The following FOXN3 variants were observed in gnomAD, a reference collection of about 807,000 sequenced individuals.
FOXN3 encodes the protein forkhead box protein N3.
FOXN3 carries 7 observed loss-of-function variants against 38.4 expected under a neutral mutation model. The ratio of observed to expected loss-of-function variants is 0.18; its 90% confidence interval spans 0.10 to 0.34. FOXN3 has a LOEUF of 0.34. Ranked by LOEUF, FOXN3 falls within the 10% of genes least tolerant of loss-of-function variation. FOXN3 has a pLI of 1.00. For missense variants in FOXN3, 456 were observed against 613.4 expected, an observed-to-expected ratio of 0.74 and a Z score of 2.71; for synonymous variants, 230 against 242.2, an observed-to-expected ratio of 0.95 and a Z score of 0.47.
At chr14:89,424,262 T>C (rs1404914647) in intron 1 of FOXN3, among the ~76,000 whole-genome samples, 1 of 152,216 alleles carries the variant, frequency 6.6e-6, no homozygotes. Flanking sequence ...TCTCAGAGAC[T>C]GTACGTGTGA....
At chr14:89,595,802 T>A (rs186718030) in intron 1 of FOXN3, among the ~76,000 whole-genome samples, 20 of 152,362 alleles carry the variant, frequency 1.3e-4, no homozygotes, top group Admixed American at 4.6e-4. Flanking sequence ...ATTTCACGCA[T>A]TAAGTATGTT....
rs1043239043 is a variant in FOXN3, at chr14:89,161,274, T to C, written c.*1140A>G. ...TGCAAACTCCATTTTGAGGGCAGTA[T>C]AGGAGTTATTTTATTTTTTGCCATG... On this transcript the variant is annotated 3_prime_UTR_variant, in exon 6 of 6. Transcript: ENST00000557258. 3 of 152,490 alleles carry C rather than the reference T, an allele frequency of 2.0e-5. No homozygotes were observed. The highest frequency in any genetic ancestry group is 7.2e-5 in the African/African-American group (3 of 41,440). The allele number at this position is 152,490 out of a possible 1,614,324, so 9.4% of individuals were successfully genotyped here.
intron 4 of FOXN3, among the ~76,000 whole-genome samples, chr14:89,271,077 C>T (rs920585709): frequency 6.6e-6 from 1 of 152,146 alleles, no homozygotes; most frequent in Non-Finnish European, 1.5e-5. Context: ...TCCCATGTCA[C>T]GTGCACCGCA....
At chr14:89,243,512 T>C (rs1885201030) in intron 4 of FOXN3, among the ~76,000 whole-genome samples, 2 of 152,260 alleles carry the variant, frequency 1.3e-5, no homozygotes, top group South Asian at 4.2e-4. Context: ...TGACAACCCG[T>C]GACCTCCACA....
chr14:89,438,784 A>T, intron 1 of FOXN3, among the ~76,000 whole-genome samples: 1 of 149,110 alleles, frequency 6.7e-6, no homozygotes. Flanking sequence ...TTTTTTTGAG[A>T]CGATGTTTCA....
intron 3 of FOXN3, among the ~76,000 whole-genome samples, chr14:89,303,434 C>T (rs914650916): frequency 6.0e-5 from 9 of 150,402 alleles, no homozygotes; most frequent in African/African-American, 1.2e-4. Flanking sequence ...AAGACACTGA[C>T]GATCTGATTC....
chr14:89,375,818 G>A (rs1471196738), intron 2 of FOXN3, among the ~76,000 whole-genome samples: 5 of 152,030 alleles, frequency 3.3e-5, no homozygotes, highest in Non-Finnish European at 7.4e-5. Flanking sequence ...TGCCCAGGCT[G>A]GGATGCAATG....
chr14:89,451,287 G>A (rs1289217613), intron 1 of FOXN3, among the ~76,000 whole-genome samples: 1 of 152,146 alleles, frequency 6.6e-6, no homozygotes, highest in Non-Finnish European at 1.5e-5. Flanking sequence ...AGCCTTGGGG[G>A]ACATCCAATG....
At chr14:89,610,834 C>A (rs1896374081) in intron 1 of FOXN3, among the ~76,000 whole-genome samples, 1 of 152,182 alleles carries the variant, frequency 6.6e-6, no homozygotes, top group South Asian at 2.1e-4. Context: ...ATTTGTTTCC[C>A]CCGATTTGTG....
chr14:89,270,570 C>A (rs1362608938), intron 4 of FOXN3, among the ~76,000 whole-genome samples: 1 of 152,174 alleles, frequency 6.6e-6, no homozygotes, highest in Non-Finnish European at 1.5e-5. Flanking sequence ...CGAGGTCACT[C>A]AGCTGGTGGG....
intron 2 of FOXN3, among the ~76,000 whole-genome samples, chr14:89,375,626 G>C (rs1316416689): frequency 6.6e-6 from 1 of 152,088 alleles, no homozygotes; most frequent in African/African-American, 2.4e-5. Flanking sequence ...ACCAAGCAAA[G>C]AGATATAAAT....
At chr14:89,214,589 CG>C (rs1360781154) in intron 4 of FOXN3, among the ~76,000 whole-genome samples, 1 of 152,226 alleles carries the variant, frequency 6.6e-6, no homozygotes, top group African/African-American at 2.4e-5. Context: ...CACTCAATTA[CG>C]GCCGTGAAAA....
chr14:89,435,442 A>G (rs1168776268), intron 1 of FOXN3, among the ~76,000 whole-genome samples: 1 of 151,272 alleles, frequency 6.6e-6, no homozygotes, highest in Non-Finnish European at 1.5e-5. Flanking sequence ...CAAGCTGTAT[A>G]CATGAGAGAC....
chr14:89,383,393 C>T (rs984079977), intron 2 of FOXN3, among the ~76,000 whole-genome samples: 6 of 152,158 alleles, frequency 3.9e-5, no homozygotes, highest in African/African-American at 1.4e-4. Flanking sequence ...TGTATTGCAC[C>T]AAATTAGGTT....
chr14:89,232,001 G>A lies in FOXN3; in HGVS notation c.745+48949C>T, dbSNP rs148605096. 5.4e-3 allele frequency among the ~76,000 whole-genome samples: 819 copies of A among 152,280 alleles called. 9 individuals carry two copies. Among genetic ancestry groups the A allele is most frequent in the African/African-American group, 0.019 (775 of 41,564 alleles). Reference sequence around the variant, plus strand: ...CAGGGACAGGTAAGCTCAGTGTTGCGGGAAGGCGTGGAGCTAAGCCCCAAG... The same window carrying A: ...CAGGGACAGGTAAGCTCAGTGTTGCAGGAAGGCGTGGAGCTAAGCCCCAAG... On this transcript the variant is annotated intron_variant, in intron 4 of 5. Transcript: ENST00000557258.
At chr14:89,343,627 G>GTTTTTTTTTTTTT (rs34453491) in intron 3 of FOXN3, among the ~76,000 whole-genome samples, 2 of 140,634 alleles carry the variant, frequency 1.4e-5, no homozygotes, top group Non-Finnish European at 1.5e-5. Flanking sequence ...AATGTGTGTG[G>GTTTTTTTTTTTTT]TTTTTTTTTT....
At chr14:89,233,362 A>T (rs1884876780) in intron 4 of FOXN3, among the ~76,000 whole-genome samples, 2 of 152,196 alleles carry the variant, frequency 1.3e-5, no homozygotes, top group African/African-American at 4.8e-5. Context: ...AGGTCACATA[A>T]TGGCTGCTGA....
At chr14:89,204,629 T>C (rs1162526238) in intron 4 of FOXN3, among the ~76,000 whole-genome samples, 2 of 152,216 alleles carry the variant, frequency 1.3e-5, no homozygotes, top group Non-Finnish European at 2.9e-5. Flanking sequence ...TTTTCCTTTA[T>C]CTTACACGGG....
chr14:89,226,456 T>G (rs1437303171), intron 4 of FOXN3, among the ~76,000 whole-genome samples: 1 of 152,144 alleles, frequency 6.6e-6, no homozygotes, highest in Non-Finnish European at 1.5e-5. Flanking sequence ...TTAAATTTTT[T>G]GTAGAGATGG....
Sources: gnomAD v4.1 joint callset for allele counts (sites outside exome capture counted in the v4.1 genomes callset) on GRCh38, gnomAD v4.1.1 for gene constraint, MANE v1.5 for transcripts, NCBI Gene and HGNC (gene_info 2026-07-23, HGNC 2026-07-21) for gene names.